IPMK: variants seen among roughly 807,000 people sequenced by gnomAD.
IPMK encodes the protein inositol polyphosphate multikinase.
A neutral mutation model predicts 45.8 loss-of-function variants in IPMK; 17 were observed. The observed-to-expected ratio is 0.37, with a 90% CI of 0.25 to 0.56. The LOEUF is 0.56. Ranked by LOEUF, IPMK falls within the 20% of genes least tolerant of loss-of-function variation. The probability of loss-of-function intolerance (pLI) is 0.79; values close to 1 mark genes in which losing one functional copy is unlikely to be tolerated. For missense variants in IPMK, 399 were observed against 498.0 expected, an observed-to-expected ratio of 0.80 and a Z score of 1.89; for synonymous variants, 180 against 184.3, an observed-to-expected ratio of 0.98 and a Z score of 0.19.
At chr10:58,262,195 TAACA>T (rs1431752275) in intron 1 of IPMK, among the ~76,000 whole-genome samples, 1 of 152,148 alleles carries the variant, frequency 6.6e-6, no homozygotes, top group Non-Finnish European at 1.5e-5. Context: ...TATACATATG[TAACA>T]AACCTGCACG....
chr10:58,256,428 A>G (rs2590352), intron 1 of IPMK, among the ~76,000 whole-genome samples: 51,413 of 151,966 alleles, frequency 0.34, 10,942 homozygotes, highest in African/African-American at 0.61. Flanking sequence ...TAGTCAGACC[A>G]GTTGTCTGCT....
intron 1 of IPMK, among the ~76,000 whole-genome samples, chr10:58,267,024 T>C (rs1421376780): frequency 6.6e-6 from 1 of 152,204 alleles, no homozygotes; most frequent in Non-Finnish European, 1.5e-5. Flanking sequence ...TGCATTTCAT[T>C]CCTTTTCTTT....
intron 4 of IPMK, among the ~76,000 whole-genome samples, chr10:58,215,776 A>ATC (rs1159139540): frequency 6.6e-6 from 1 of 152,098 alleles, no homozygotes; most frequent in Non-Finnish European, 1.5e-5. Flanking sequence ...GAATATATAT[A>ATC]TTTAGCACTT....
chr10:58,256,646 A>C (rs1004575579), intron 1 of IPMK, among the ~76,000 whole-genome samples: 2 of 152,086 alleles, frequency 1.3e-5, no homozygotes, highest in African/African-American at 4.8e-5. Context: ...ATCCCTAATA[A>C]AAACTTGCTG....
chr10:58,216,362 A>G, intron 3 of IPMK, 45 bp from the exon 4 acceptor site: 1 of 901,976 alleles, frequency 1.1e-6, no homozygotes, highest in Non-Finnish European at 1.6e-6. Flanking sequence ...CAAACATATT[A>G]CTACTCAAGT....
chr10:58,250,507 G>C (rs1160357902), intron 1 of IPMK, among the ~76,000 whole-genome samples: 1 of 152,122 alleles, frequency 6.6e-6, no homozygotes, highest in East Asian at 1.9e-4. Flanking sequence ...TAGAAATGCA[G>C]ATTTTTGTAT....
intron 3 of IPMK, among the ~76,000 whole-genome samples, chr10:58,219,086 G>C (rs2132154552): frequency 6.6e-6 from 1 of 152,212 alleles, no homozygotes; most frequent in South Asian, 2.1e-4. Context: ...TGTTTCATAT[G>C]GTTGGAATTA....
At chr10:58,237,940 A>G (rs1306528476) in intron 1 of IPMK, 126 bp from the exon 2 acceptor site, 1 of 665,732 alleles carries the variant, frequency 1.5e-6, no homozygotes, top group Non-Finnish European at 2.6e-6. Flanking sequence ...ACTTTTACTT[A>G]TTTCAGAAAT....
At chr10:58,200,782 T>C (rs1837984967) in intron 4 of IPMK, among the ~76,000 whole-genome samples, 1 of 152,232 alleles carries the variant, frequency 6.6e-6, no homozygotes, top group Admixed American at 6.5e-5. Context: ...GAGTAACTGA[T>C]AATAACTAGG....
intron 4 of IPMK, chr10:58,212,588 A>G (rs1838181467): frequency 4.3e-6 from 1 of 232,178 alleles, no homozygotes; most frequent in South Asian, 8.0e-5. Context: ...TGGGATCACT[A>G]TCCTCATGAT....
At chr10:58,196,780 C>A in intron 5 of IPMK, 82 bp from the exon 6 acceptor site, 1 of 945,940 alleles carries the variant, frequency 1.1e-6, no homozygotes, top group Non-Finnish European at 1.6e-6. Context: ...CAGAATTCTC[C>A]AATATTTTCC....
chr10:58,209,130 T>C lies in IPMK; in HGVS notation c.546+7015A>G, dbSNP rs769447775. Among the ~76,000 whole-genome samples the C allele has an allele frequency of 3.9e-5, 6 of 152,174 alleles. No homozygotes were observed. In the South Asian group the frequency reaches 1.2e-3, roughly 32 times the overall value. ...TCTGCCTCTTGTGCAGGCCTGAATC[T>C]GGGGGGTGCTCCTCCTGTCAGGCTG... On this transcript the variant is annotated intron_variant, in intron 4 of 5. Coordinates refer to ENST00000373935, the MANE Select transcript of IPMK (RefSeq NM_152230.5).
At chr10:58,244,114 G>GGGA (rs1248017984) in intron 1 of IPMK, among the ~76,000 whole-genome samples, 2 of 142,684 alleles carry the variant, frequency 1.4e-5, no homozygotes, top group African/African-American at 2.6e-5. Context: ...CTGGGAAGTG[G>GGGA]GCGCCTCTGC....
chr10:58,259,430 CCA>C lies in IPMK; in HGVS notation c.190+7990_190+7991del, dbSNP rs1467197507. Reference sequence around the variant, plus strand: ...AGCAGCAACAATAATGGATATCTATCCACTGAAATTTGAAAAAAATCCACCTT... The same window carrying C: ...AGCAGCAACAATAATGGATATCTATCCTGAAATTTGAAAAAAATCCACCTT... On this transcript the variant is annotated intron_variant, in intron 1 of 5. Transcript: ENST00000373935. Among the ~76,000 whole-genome samples the C allele has an allele frequency of 2.0e-5, 3 of 151,794 alleles. No homozygotes were observed. The East Asian group carries it at 5.8e-4, about 29-fold the overall frequency.
chr10:58,206,161 T>C (rs1564528356), intron 4 of IPMK, among the ~76,000 whole-genome samples: 1 of 152,184 alleles, frequency 6.6e-6, no homozygotes, highest in Non-Finnish European at 1.5e-5. Context: ...GGGTGAACTT[T>C]AAAAACACGA....
intron 3 of IPMK, among the ~76,000 whole-genome samples, chr10:58,226,775 C>T (rs1011963807): frequency 7.2e-5 from 11 of 152,124 alleles, no homozygotes; most frequent in African/African-American, 2.2e-4. Flanking sequence ...TAGGACAGAA[C>T]ATCTGCAAAT....
intron 4 of IPMK, among the ~76,000 whole-genome samples, chr10:58,203,585 G>C (rs1020416982): frequency 1.1e-4 from 16 of 152,304 alleles, no homozygotes; most frequent in African/African-American, 3.6e-4. Context: ...CAAAGTGTTG[G>C]GATTACTGGC....
At chr10:58,243,304 T>C (rs1838724604) in intron 1 of IPMK, among the ~76,000 whole-genome samples, 1 of 152,202 alleles carries the variant, frequency 6.6e-6, no homozygotes, top group African/African-American at 2.4e-5. Context: ...TGCATATGCA[T>C]TGCATGGATG....
At chr10:58,216,103 T>C in intron 4 of IPMK, 42 bp downstream of exon 4, 1 of 1,261,172 alleles carries the variant, frequency 7.9e-7, no homozygotes, top group Non-Finnish European at 1.1e-6. Context: ...GGGAAGAACA[T>C]GTACAGAGAA....
Sources: gnomAD v4.1 joint callset for allele counts (sites outside exome capture counted in the v4.1 genomes callset) on GRCh38, gnomAD v4.1.1 for gene constraint, MANE v1.5 for transcripts, NCBI Gene and HGNC (gene_info 2026-07-23, HGNC 2026-07-21) for gene names.